The following GLI3 variants were observed in gnomAD, a reference collection of about 807,000 sequenced individuals.
GLI3 encodes GLI family zinc finger 3.
GLI3 carries 20 observed loss-of-function variants against 100.8 expected under a neutral mutation model. The observed-to-expected ratio is 0.20, with a 90% CI of 0.14 to 0.29. GLI3 has a LOEUF of 0.29. GLI3 is among the 10% of genes least tolerant of loss of function. GLI3 has a pLI of 1.00. For synonymous variants in GLI3, 938 were observed against 860.5 expected (o/e 1.09, Z -1.58); for missense variants, 2,040 against 2,128.5 (o/e 0.96, Z 0.82).
At chr7:42,124,442 A>ACCAACACC (rs1786077508) in intron 3 of GLI3, among the ~76,000 whole-genome samples, 2 of 152,210 alleles carry the variant, frequency 1.3e-5, no homozygotes. Flanking sequence ...ACAGAACCAA[A>ACCAACACC]CCAACACCGG....
chr7:41,972,674 CTA>C lies in GLI3; in HGVS notation c.1813-49_1813-48del. On this transcript the variant is annotated intron_variant, in intron 12 of 14. Transcript: ENST00000395925. This position sits in a 1 kb window ranked among gnomAD's most constrained non-coding sequence, Gnocchi z 4.4. ...AGGTAAGAGATTGTTATGAAAGAGA[CTA>C]TGCCCCAGCCCAAAAGTCCTTTATG... The C allele has an allele frequency of 2.0e-6, 3 of 1,521,392 alleles. No individual in the cohort carries two copies. The highest frequency in any genetic ancestry group is 4.5e-5 in the East Asian group (2 of 44,516). 94.2% of individuals were successfully genotyped at this position (1,521,392 alleles called of 1,614,324 possible).
At chr7:41,974,398 C>A (rs1318064741) in intron 12 of GLI3, among the ~76,000 whole-genome samples, 1 of 152,114 alleles carries the variant, frequency 6.6e-6, no homozygotes, top group African/African-American at 2.4e-5. Context: ...AATATATTAA[C>A]CCTTCACACA....
At chr7:41,984,193 A>G (rs145739607) in intron 10 of GLI3, among the ~76,000 whole-genome samples, 2 of 152,314 alleles carry the variant, frequency 1.3e-5, no homozygotes, top group East Asian at 3.9e-4. Flanking sequence ...GCAGCAAAAT[A>G]GATGCCACAA....
At chr7:42,145,058 G>C (rs1266721331) in intron 3 of GLI3, among the ~76,000 whole-genome samples, 13 of 152,104 alleles carry the variant, frequency 8.5e-5, no homozygotes, top group Admixed American at 7.2e-4. Context: ...TTTAAAAAGA[G>C]GGCATTTCTT....
chr7:42,018,547 C>T (rs925351808), intron 10 of GLI3, among the ~76,000 whole-genome samples: 6 of 152,194 alleles, frequency 3.9e-5, no homozygotes, highest in South Asian at 2.1e-4. Flanking sequence ...CTCTTCCTTG[C>T]GTTTCTACAG....
chr7:42,021,680 C>G (rs1394743709), intron 10 of GLI3, among the ~76,000 whole-genome samples: 1 of 152,188 alleles, frequency 6.6e-6, no homozygotes, highest in Non-Finnish European at 1.5e-5. Context: ...TTGGTAATGA[C>G]TGAACCAGTA....
intron 1 of GLI3, among the ~76,000 whole-genome samples, chr7:42,224,974 A>C (rs1022089274): frequency 6.6e-6 from 1 of 152,268 alleles, no homozygotes; most frequent in Non-Finnish European, 1.5e-5. Context: ...CCTTAAACTT[A>C]AAAGTATACA....
At position 41,965,209 on chromosome 7, in the gene GLI3, C is replaced by T. The variant is rs369272004; in HGVS notation, c.3864G>A (p.Gly1288=). 2.2e-5 allele frequency: 36 copies of T among 1,613,810 alleles called. No homozygotes were observed. In the Admixed American group the frequency reaches 5.5e-4, roughly 25 times the overall value. The change falls in exon 15 of 15, where the codon GGG becomes GGA. Residue 1288 remains glycine (G), a synonymous_variant. Coordinates refer to ENST00000395925, the MANE Select transcript of GLI3 (RefSeq NM_000168.6). ...GGCCGAAATTCAGCTGGCCCCCGCT[C>T]CCTTGCATGGGGGTGCTCTTCAGCT... ...ASKLKSTPMQ[G]SGGQLNFGLP...
At chr7:42,070,612 A>G (rs987849679) in intron 4 of GLI3, among the ~76,000 whole-genome samples, 3 of 152,222 alleles carry the variant, frequency 2.0e-5, no homozygotes, top group African/African-American at 7.2e-5. Flanking sequence ...ATAAATATTA[A>G]CACACATAAA....
chr7:42,239,286 A>G (rs1044480817), upstream of GLI3, among the ~76,000 whole-genome samples: 2 of 152,216 alleles, frequency 1.3e-5, no homozygotes, highest in Admixed American at 6.5e-5. Flanking sequence ...CTGAGCCTCC[A>G]TAGGCTCTGA....
intron 2 of GLI3, among the ~76,000 whole-genome samples, chr7:42,205,351 A>G (rs530043980): frequency 2.6e-4 from 39 of 152,300 alleles, no homozygotes; most frequent in African/African-American, 8.9e-4. Flanking sequence ...GTCAAGGGTA[A>G]GAGCTCCAAT....
intron 10 of GLI3, among the ~76,000 whole-genome samples, chr7:41,996,889 T>G (rs1175151165): frequency 1.3e-5 from 2 of 152,182 alleles, no homozygotes; most frequent in Non-Finnish European, 2.9e-5. Context: ...CTGATTTGAT[T>G]TGATGCATCT....
At chr7:42,051,130 C>A (rs1030254362) in intron 4 of GLI3, among the ~76,000 whole-genome samples, 2 of 152,296 alleles carry the variant, frequency 1.3e-5, no homozygotes, top group East Asian at 1.9e-4. Flanking sequence ...GGCAGGAGCA[C>A]TGGGCTCTAC....
chr7:42,174,308 G>A (rs190474965), intron 2 of GLI3, among the ~76,000 whole-genome samples: 8 of 152,158 alleles, frequency 5.3e-5, no homozygotes, highest in South Asian at 4.1e-4. Context: ...TTCTTTTGAC[G>A]TTGCTTATGA....
At chr7:42,260,156 G>A (rs1789124113) in intron 1 of GLI3, among the ~76,000 whole-genome samples, 1 of 152,196 alleles carries the variant, frequency 6.6e-6, no homozygotes, top group Non-Finnish European at 1.5e-5. Flanking sequence ...ACTGGCTAGA[G>A]CATCTCTAGA....
intron 3 of GLI3, among the ~76,000 whole-genome samples, chr7:42,133,971 C>A (rs1358443843): frequency 6.6e-6 from 1 of 151,292 alleles, no homozygotes; most frequent in African/African-American, 2.4e-5. Flanking sequence ...ATCCCATCTA[C>A]TTGGGAGGCT....
intron 10 of GLI3, among the ~76,000 whole-genome samples, chr7:41,990,471 A>G (rs892392331): frequency 6.6e-6 from 1 of 152,222 alleles, no homozygotes; most frequent in South Asian, 2.1e-4. Flanking sequence ...ATGCCCTACG[A>G]AAGCAACCAT....
chr7:42,116,428 A>G (rs943177880), intron 3 of GLI3, among the ~76,000 whole-genome samples: 3 of 151,998 alleles, frequency 2.0e-5, no homozygotes, highest in African/African-American at 7.3e-5. Context: ...TAAACTAAAT[A>G]AACTGAAAAG....
intron 3 of GLI3, 92 bp downstream of exon 3, chr7:42,148,134 C>CGT (rs1223625116): frequency 5.0e-6 from 6 of 1,203,186 alleles, no homozygotes; most frequent in Non-Finnish European, 6.7e-6. Context: ...TCATAAAGCG[C>CGT]GCACACACAC....
Sources: allele counts gnomAD v4.1 joint callset (sites outside exome capture counted in the v4.1 genomes callset), GRCh38; gene constraint gnomAD v4.1.1; non-coding constraint Gnocchi (gnomAD v3.1); transcripts MANE v1.5; gene names NCBI Gene and HGNC (gene_info 2026-07-23, HGNC 2026-07-21).